Variants in COL21A1 observed in about 807,000 individuals in gnomAD.
The protein encoded by COL21A1 is collagen alpha-1(XXI) chain.
COL21A1 carries 149 observed loss-of-function variants against 137.9 expected under a neutral mutation model. That is an observed-to-expected ratio of 1.08 (90% confidence interval 0.95 to 1.24). The LOEUF is 1.24. COL21A1 is among the 50% of genes most tolerant of loss of function. The pLI is 0.00. For missense variants in COL21A1, 1,167 were observed against 1,158.4 expected, an observed-to-expected ratio of 1.01 and a Z score of -0.11; for synonymous variants, 456 against 391.5, an observed-to-expected ratio of 1.16 and a Z score of -1.95.
intron 1 of COL21A1, among the ~76,000 whole-genome samples, chr6:56,233,254 T>G (rs1781695711): frequency 1.3e-5 from 2 of 151,732 alleles, no homozygotes. Context: ...AAGCTCCAGA[T>G]AGTCTTAAAT....
intron 12 of COL21A1, among the ~76,000 whole-genome samples, chr6:56,127,453 T>C (rs1220222264): frequency 4.6e-5 from 7 of 152,200 alleles, no homozygotes; most frequent in African/African-American, 1.7e-4. Flanking sequence ...AAATATCTCC[T>C]AGACCTGTCT....
At chr6:56,085,028 G>A (rs768484845) in intron 17 of COL21A1, among the ~76,000 whole-genome samples, 2 of 152,022 alleles carry the variant, frequency 1.3e-5, no homozygotes, top group African/African-American at 4.8e-5. Context: ...TGTTTAAGGA[G>A]CACTTTCTTT....
intron 1 of COL21A1, among the ~76,000 whole-genome samples, chr6:56,271,727 A>C (rs1180197161): frequency 2.0e-5 from 3 of 152,184 alleles, no homozygotes; most frequent in African/African-American, 7.2e-5. Flanking sequence ...GGCTTGGCCC[A>C]GGGCACCACT....
intron 16 of COL21A1, among the ~76,000 whole-genome samples, chr6:56,111,407 A>G (rs2152187935): frequency 6.6e-6 from 1 of 152,292 alleles, no homozygotes; most frequent in Non-Finnish European, 1.5e-5. Context: ...AAACCCAAAT[A>G]AAGTATGGAG....
rs142232184 is a variant in COL21A1 at position 56,301,049 on chromosome 6, A to T, written c.-39+92922T>A. Among the ~76,000 whole-genome samples the T allele has an allele frequency of 2.4e-4, 37 of 152,310 alleles. No individual in the cohort carries two copies. In the East Asian group the frequency reaches 6.7e-3, roughly 28 times the overall value. On this transcript the variant is annotated intron_variant, in intron 1 of 28. Coordinates refer to the COL21A1 transcript ENST00000370819. ...CTCAAGGAGGTGGATAGAAAAGCACATGGGAAATTATAAGGCAAGGCAGAA... is the reference window on the plus strand; with the variant it reads ...CTCAAGGAGGTGGATAGAAAAGCACTTGGGAAATTATAAGGCAAGGCAGAA...
At chr6:56,177,952 T>C (rs1200374682) in intron 3 of COL21A1, among the ~76,000 whole-genome samples, 3 of 149,692 alleles carry the variant, frequency 2.0e-5, no homozygotes, top group Non-Finnish European at 4.4e-5. Context: ...GATGAAAATA[T>C]ATTTGGCAAG....
At chr6:56,118,507 AG>A (rs1305755076) in intron 16 of COL21A1, among the ~76,000 whole-genome samples, 2 of 152,046 alleles carry the variant, frequency 1.3e-5, no homozygotes, top group African/African-American at 4.8e-5. Context: ...CAACATTTAA[AG>A]AACTAATACC....
At chr6:56,269,706 A>C (rs1763479533) in intron 1 of COL21A1, among the ~76,000 whole-genome samples, 1 of 151,342 alleles carries the variant, frequency 6.6e-6, no homozygotes, top group African/African-American at 2.4e-5. Context: ...TAACAAAGGG[A>C]ACCCCATCAG....
At chr6:56,264,443 T>C (rs1246340809) in intron 1 of COL21A1, among the ~76,000 whole-genome samples, 1 of 152,178 alleles carries the variant, frequency 6.6e-6, no homozygotes, top group Non-Finnish European at 1.5e-5. Context: ...GGGATGTTTA[T>C]TCCTATCTAC....
At chr6:56,185,963 A>G (rs868843121) in intron 1 of COL21A1, among the ~76,000 whole-genome samples, 1 of 152,078 alleles carries the variant, frequency 6.6e-6, no homozygotes, top group South Asian at 2.1e-4. Flanking sequence ...ACTCCCCCCA[A>G]TTTTTATTAT....
chr6:56,113,512 T>A (rs1771632924), intron 16 of COL21A1, among the ~76,000 whole-genome samples: 1 of 152,118 alleles, frequency 6.6e-6, no homozygotes, highest in Non-Finnish European at 1.5e-5. Flanking sequence ...CCTGCCAGCA[T>A]TCATCACCTG....
At chr6:56,271,370 C>T (rs1056082630) in intron 1 of COL21A1, among the ~76,000 whole-genome samples, 1 of 152,098 alleles carries the variant, frequency 6.6e-6, no homozygotes, top group South Asian at 2.1e-4. Context: ...GGGTATCTGG[C>T]AAAGAAATTT....
At chr6:56,260,631 GGAAGGAAGGAAGGAAGGAAGGAAGGAAT>G (rs71972761) in intron 1 of COL21A1, among the ~76,000 whole-genome samples, 9,260 of 50,542 alleles carry the variant, frequency 0.18, 585 homozygotes, top group Non-Finnish European at 0.23. Flanking sequence ...GAGAGAGGAA[GGAAGGAAGGAAGGAAGGAAGGAAGGAAT>G]GAAGGAAGGA....
In COL21A1 at chr6:56,383,549, G is replaced by C. The variant is rs1335966341; in HGVS notation, c.-39+10422C>G. On this transcript the variant is annotated intron_variant, in intron 1 of 28. Transcript: ENST00000370819. ...ACCCAGGTAGGTACCTGAAGACAGA[G>C]TAGGTCTCCTGAAACTTTCCCGGGT... Among the ~76,000 whole-genome samples the C allele has an allele frequency of 2.6e-5, 4 of 152,304 alleles. No individual in the cohort carries two copies. In the East Asian group the frequency reaches 7.7e-4, roughly 29 times the overall value.
intron 24 of COL21A1, 117 bp from the exon 25 acceptor site, chr6:56,061,798 T>A: frequency 3.1e-6 from 2 of 639,596 alleles, no homozygotes; most frequent in Non-Finnish European, 5.3e-6. Context: ...AAAATATTGA[T>A]AGCATTAGTG....
intron 17 of COL21A1, among the ~76,000 whole-genome samples, chr6:56,095,027 A>C (rs2114223034): frequency 6.6e-6 from 1 of 152,246 alleles, no homozygotes; most frequent in African/African-American, 2.4e-5. Flanking sequence ...AGGGGGAGGC[A>C]TTTTTTAACC....
At chr6:56,195,704 G>T (rs1778975596) in intron 1 of COL21A1, among the ~76,000 whole-genome samples, 2 of 151,892 alleles carry the variant, frequency 1.3e-5, no homozygotes, top group Non-Finnish European at 2.9e-5. Context: ...AATCCTAACA[G>T]ACCTAGAACT....
At position 56,205,641 on chromosome 6, in the gene COL21A1, A is replaced by G. The variant is rs542407041; in HGVS notation, c.-38-22985T>C. ...ATTCAGGAAATACAGAGAATACCAC[A>G]AAGATACTCCTTGAGAAGAGAAACC... On this transcript the variant is annotated intron_variant, in intron 1 of 29. Transcript: ENST00000244728. 4.8e-4 allele frequency among the ~76,000 whole-genome samples: 73 copies of G among 152,312 alleles called. No homozygotes were observed. In the Middle Eastern group the frequency reaches 0.01, roughly 21 times the overall value.
chr6:56,222,362 A>G (rs1283738889), intron 1 of COL21A1, among the ~76,000 whole-genome samples: 1 of 152,126 alleles, frequency 6.6e-6, no homozygotes, highest in Non-Finnish European at 1.5e-5. Context: ...AATGTTGTCT[A>G]TGAGGATTTT....
Sources: allele counts gnomAD v4.1 joint callset (sites outside exome capture counted in the v4.1 genomes callset), GRCh38; gene constraint gnomAD v4.1.1; transcripts MANE v1.5; gene names NCBI Gene and HGNC (gene_info 2026-07-23, HGNC 2026-07-21).